CDC42SE2: variants seen among roughly 807,000 people sequenced by gnomAD.
CDC42SE2 encodes the protein CDC42 small effector protein 2.
Under a neutral mutation model 11.5 loss-of-function variants are expected in CDC42SE2, and 3 were observed. That is an observed-to-expected ratio of 0.26 (90% CI 0.12 to 0.67). The LOEUF (loss-of-function observed/expected upper bound fraction) is 0.67, where lower values mean the gene tolerates loss of function less well. Ranked by LOEUF, CDC42SE2 falls within the 30% of genes least tolerant of loss-of-function variation. The probability of loss-of-function intolerance (pLI) is 0.80; values close to 1 mark genes in which losing one functional copy is unlikely to be tolerated. For synonymous variants in CDC42SE2, 33 were observed against 34.8 expected, an observed-to-expected ratio of 0.95 and a Z score of 0.18; for missense variants, 82 against 106.8, an observed-to-expected ratio of 0.77 and a Z score of 1.02.
chr5:131,381,553 C>T (rs780365098), intron 3 of CDC42SE2, among the ~76,000 whole-genome samples: 2 of 152,124 alleles, frequency 1.3e-5, no homozygotes, highest in Non-Finnish European at 2.9e-5. Context: ...GAACTCTTGA[C>T]CTCAGGTGAT....
At chr5:131,273,373 C>T (rs951153001) in intron 1 of CDC42SE2, among the ~76,000 whole-genome samples, 6 of 150,284 alleles carry the variant, frequency 4.0e-5, no homozygotes, top group African/African-American at 1.5e-4. Context: ...CCAGGCTGGT[C>T]TCAAACTCTT....
At chr5:131,294,792 G>T (rs1757532831) in intron 1 of CDC42SE2, among the ~76,000 whole-genome samples, 1 of 152,128 alleles carries the variant, frequency 6.6e-6, no homozygotes, top group Admixed American at 6.5e-5. Flanking sequence ...AGGAGTTCGA[G>T]ACCAGCCTGG....
At chr5:131,218,742 CTTG>C in the CDC42SE2 span, among the ~76,000 whole-genome samples, 1 of 151,982 alleles carries the variant, frequency 6.6e-6, no homozygotes, top group Non-Finnish European at 1.5e-5. Context: ...AGCGGTTATC[CTTG>C]TTGTTGGGGA....
rs547751050 is a variant in CDC42SE2 at position 131,274,336 on chromosome 5, T to C, written c.-455+10170T>C. 1.9e-3 allele frequency among the ~76,000 whole-genome samples: 290 copies of C among 152,328 alleles called. 1 individual carries two copies. Among genetic ancestry groups the C allele is most frequent in the Non-Finnish European group, 3.7e-3 (249 of 68,030 alleles). On this transcript the variant is annotated intron_variant, in intron 1 of 4. Transcript: ENST00000505065. ...TTGGCCAAAAACCTAGTAGACATTC[T>C]TGACTCTCTTCTTTCTCATACTCCC...
Position 131,391,730 on chromosome 5 carries a change from A to ATTGT in CDC42SE2, c.*642_*645dup, listed in dbSNP as rs1275175104. ...GTAGTAATTTTACAGTTAAGACTTC[A>ATTGT]TTGTTTATAAACTTTTCAAATTAAT... On this transcript the variant is annotated 3_prime_UTR_variant, in exon 5 of 5. Coordinates refer to ENST00000505065, the MANE Select transcript of CDC42SE2 (RefSeq NM_001375635.1). 6.6e-6 allele frequency: 1 copy of ATTGT among 152,262 alleles called. No individual in the cohort carries two copies. The highest frequency in any genetic ancestry group is 2.4e-5 in the African/African-American group (1 of 41,464). 9.4% of individuals were successfully genotyped at this position (152,262 alleles called of 1,614,324 possible). A position where few individuals can be genotyped will look rare whatever the true frequency, so the allele number is the denominator to read the frequency against.
chr5:131,265,286 C>T, intron 1 of CDC42SE2, among the ~76,000 whole-genome samples: 1 of 151,978 alleles, frequency 6.6e-6, no homozygotes, highest in East Asian at 1.9e-4. Flanking sequence ...AAAAACAGGC[C>T]TTATTTCTAA....
chr5:131,254,198 C>T (rs1218950657), intron 1 of CDC42SE2, among the ~76,000 whole-genome samples: 2 of 152,188 alleles, frequency 1.3e-5, no homozygotes, highest in Non-Finnish European at 2.9e-5. Flanking sequence ...CCGCACCTCC[C>T]CCCAGCAGGC....
At chr5:131,282,200 C>A (rs1483973136) in intron 1 of CDC42SE2, among the ~76,000 whole-genome samples, 1 of 152,208 alleles carries the variant, frequency 6.6e-6, no homozygotes, top group Middle Eastern at 3.4e-3. Context: ...TTATTGCTGA[C>A]CAAAATTGTA....
intron 1 of CDC42SE2, among the ~76,000 whole-genome samples, chr5:131,306,964 T>C (rs773749286): frequency 6.6e-6 from 1 of 152,156 alleles, no homozygotes; most frequent in Non-Finnish European, 1.5e-5. Flanking sequence ...TTACTTCGTT[T>C]ATCAGTTCTA....
intron 2 of CDC42SE2, among the ~76,000 whole-genome samples, chr5:131,331,458 G>C (rs1240305938): frequency 6.6e-6 from 1 of 152,108 alleles, no homozygotes; most frequent in African/African-American, 2.4e-5. Context: ...TTAAATTACT[G>C]TGTCTGAGCT....
chr5:131,299,311 G>A (rs1256305675), intron 1 of CDC42SE2, among the ~76,000 whole-genome samples: 1 of 152,166 alleles, frequency 6.6e-6, no homozygotes, highest in East Asian at 1.9e-4. Context: ...GTGGTTACCA[G>A]GGGTCAGTTA....
chr5:131,306,354 G>C (rs1387210805), intron 1 of CDC42SE2, among the ~76,000 whole-genome samples: 1 of 152,156 alleles, frequency 6.6e-6, no homozygotes, highest in African/African-American at 2.4e-5. Flanking sequence ...TGAAGAGACT[G>C]TCCTTTCTCT....
chr5:131,249,842 C>G (rs1322782491), intron 1 of CDC42SE2, among the ~76,000 whole-genome samples: 1 of 151,948 alleles, frequency 6.6e-6, no homozygotes, highest in Non-Finnish European at 1.5e-5. Flanking sequence ...ATGATTGTAC[C>G]ACTGCACTCC....
At chr5:131,235,047 C>A in the CDC42SE2 span, among the ~76,000 whole-genome samples, 1 of 151,768 alleles carries the variant, frequency 6.6e-6, no homozygotes, top group Admixed American at 6.6e-5. Context: ...CGCCACCACA[C>A]CTGGCTAAAT....
intron 1 of CDC42SE2, among the ~76,000 whole-genome samples, chr5:131,269,729 A>T (rs979432819): frequency 2.0e-5 from 3 of 151,290 alleles, no homozygotes; most frequent in African/African-American, 7.3e-5. Flanking sequence ...GCGCCACTGC[A>T]CTCCTGCCTG....
intron 2 of CDC42SE2, among the ~76,000 whole-genome samples, chr5:131,351,493 A>C (rs1372036240): frequency 6.6e-6 from 1 of 151,948 alleles, no homozygotes. Context: ...TGACCTTGTG[A>C]TCCGCCCGCC....
the CDC42SE2 span, among the ~76,000 whole-genome samples, chr5:131,224,983 T>TG: frequency 1.3e-5 from 2 of 151,804 alleles, no homozygotes; most frequent in East Asian, 1.9e-4. Context: ...AGACAGGGAA[T>TG]GGGGGGTCCA....
chr5:131,296,567 C>T (rs953969975), intron 1 of CDC42SE2, among the ~76,000 whole-genome samples: 1 of 152,156 alleles, frequency 6.6e-6, no homozygotes, highest in African/African-American at 2.4e-5. Context: ...ATCACATGGC[C>T]TTCTCCTTCT....
chr5:131,326,197 C>T (rs867469095), intron 2 of CDC42SE2, among the ~76,000 whole-genome samples: 9 of 152,014 alleles, frequency 5.9e-5, no homozygotes, highest in East Asian at 3.9e-4. Context: ...CTCTGCCTCC[C>T]GGGTTCACAC....
Sources: gnomAD v4.1 joint callset for allele counts (sites outside exome capture counted in the v4.1 genomes callset) on GRCh38, gnomAD v4.1.1 for gene constraint, MANE v1.5 for transcripts, NCBI Gene and HGNC (gene_info 2026-07-23, HGNC 2026-07-21) for gene names.